Variants in EIF2S3 observed in about 807,000 individuals in gnomAD.
EIF2S3 encodes eukaryotic translation initiation factor 2 subunit 3.
In EIF2S3, 2 loss-of-function variants were observed where a neutral mutation model predicts 31.7. The observed-to-expected ratio is 0.06, with a 90% CI of 0.03 to 0.20. The LOEUF (loss-of-function observed/expected upper bound fraction) is 0.20, where lower values mean the gene tolerates loss of function less well. Among genes scored for constraint, EIF2S3 ranks in the 10% least tolerant of loss-of-function variants. The pLI is 1.00. For missense variants in EIF2S3, 96 were observed against 359.3 expected (o/e 0.27, Z 5.92); for synonymous variants, 120 against 126.7 (o/e 0.95, Z 0.36).
At chrX:24,072,779 T>C (rs1930692521) in intron 10 of EIF2S3, among the ~76,000 whole-genome samples, 1 of 111,639 alleles carries the variant, frequency 9.0e-6, no homozygotes, top group Admixed American at 9.6e-5. Flanking sequence ...TTAACTCTTA[T>C]ATAGCCATAG....
intron 8 of EIF2S3, 32 bp downstream of exon 8, chrX:24,066,124 G>T (rs867919069): frequency 5.6e-5 from 45 of 802,111 alleles, no homozygotes; most frequent in South Asian, 1.8e-4. Context: ...GTGATTTTGG[G>T]TTTTTTTTTT....
At chrX:24,056,856 C>G (rs894715189) in intron 2 of EIF2S3, among the ~76,000 whole-genome samples, 3 of 111,531 alleles carry the variant, frequency 2.7e-5, no homozygotes, top group Non-Finnish European at 5.6e-5. Context: ...GAGACCCTGT[C>G]TGTCCCAGAG....
chrX:24,068,095 A>C lies in EIF2S3; in HGVS notation c.999A>C (p.Pro333=). Residue 333 remains proline (P), a synonymous_variant, in exon 9 of 12, where the codon CCA becomes CCC. Coordinates refer to ENST00000253039, the MANE Select transcript of EIF2S3 (RefSeq NM_001415.4). ...ATAATGATCTGCAATATGCTGCTCC[A>C]GGCGGTCTTATTGGTAAGGATTTTT... The part of the protein sequence containing the change: ...AEHNDLQYAA[P]GGLIGVGTKI... The C allele has an allele frequency of 8.4e-7, 1 of 1,183,814 alleles. No homozygotes were observed. Among genetic ancestry groups the C allele is most frequent in the Non-Finnish European group, 1.1e-6 (1 of 878,231 alleles).
chrX:24,071,764 G>C lies in EIF2S3; in HGVS notation c.1182+37G>C, dbSNP rs772400697. 9 of 1,169,123 alleles carry C rather than the reference G, an allele frequency of 7.7e-6. No individual in the cohort carries two copies. In the South Asian group the frequency reaches 1.3e-4, roughly 17 times the overall value. On this transcript the variant is annotated intron_variant, in intron 10 of 11. Coordinates refer to ENST00000253039, the MANE Select transcript of EIF2S3 (RefSeq NM_001415.4). The stretch of plus-strand genomic sequence containing the variant: ...TTTAAAAATTCCTGTTTCTAAAAAA[G>C]TGACAAATGGGAGTGTTAAACCAGT...
At position 24,077,888 on chromosome X, in the gene EIF2S3, A is replaced by G. The variant is rs1388950085; in HGVS notation, c.*1103A>G. 1 of 112,013 alleles carries G rather than the reference A, an allele frequency of 8.9e-6. No homozygotes were observed. Among genetic ancestry groups the G allele is most frequent in the African/African-American group, 3.2e-5 (1 of 30,901 alleles). The allele number at this position is 112,013 out of a possible 1,213,427, so 9.2% of individuals were successfully genotyped here. A position where few individuals can be genotyped will look rare whatever the true frequency, so the allele number is the denominator to read the frequency against. On this transcript the variant is annotated 3_prime_UTR_variant, in exon 12 of 12. Coordinates refer to ENST00000253039, the MANE Select transcript of EIF2S3 (RefSeq NM_001415.4). ...CATTTTATGTTTTTTCTTAACTGTTATATTATGATTGTGACATAGATTATA... is the reference window on the plus strand; with the variant it reads ...CATTTTATGTTTTTTCTTAACTGTTGTATTATGATTGTGACATAGATTATA...
intron 4 of EIF2S3, among the ~76,000 whole-genome samples, chrX:24,058,855 C>T (rs1324916319): frequency 9.0e-6 from 1 of 111,153 alleles, no homozygotes; most frequent in East Asian, 2.8e-4. Flanking sequence ...TCCCAAAGTG[C>T]TGGGATTACA....
At chrX:24,065,286 C>G (rs1366667089) in intron 7 of EIF2S3, among the ~76,000 whole-genome samples, 1 of 111,460 alleles carries the variant, frequency 9.0e-6, no homozygotes, top group African/African-American at 3.3e-5. Flanking sequence ...TCCATTATTC[C>G]CACACTTTTC....
intron 5 of EIF2S3, among the ~76,000 whole-genome samples, chrX:24,060,948 C>CAAA (rs35873085): frequency 0.016 from 381 of 23,701 alleles, 15 homozygotes; most frequent in African/African-American, 0.033. Context: ...AACTACATCT[C>CAAA]AAAAAAAAAA....
rs757010577 is a variant in EIF2S3, at chrX:24,066,106, T to A, written c.867+14T>A. On this transcript the variant is annotated intron_variant, in intron 8 of 11. Coordinates refer to ENST00000253039, the MANE Select transcript of EIF2S3 (RefSeq NM_001415.4). ...GGAGTATTAAAGGTAAAATGGGTTT[T>A]GGTTGTTGTGATTTTGGGTTTTTTT... The A allele has an allele frequency of 9.2e-7, 1 of 1,083,579 alleles. No homozygotes were observed. The highest frequency in any genetic ancestry group is 2.3e-5 in the South Asian group (1 of 43,187). 89.3% of individuals were successfully genotyped at this position (1,083,579 alleles called of 1,213,427 possible).
chrX:24,068,921 A>G (rs1489829439), intron 9 of EIF2S3, among the ~76,000 whole-genome samples: 1 of 111,899 alleles, frequency 8.9e-6, no homozygotes, highest in Non-Finnish European at 1.9e-5. Flanking sequence ...GTATTACTCA[A>G]TACCCAGAAA....
chrX:24,066,123 G>GT (rs746382989), intron 8 of EIF2S3, 31 bp downstream of exon 8: 24 of 945,694 alleles, frequency 2.5e-5, no homozygotes, highest in African/African-American at 7.7e-5. Flanking sequence ...TGTGATTTTG[G>GT]GTTTTTTTTT....
rs1338901589 is a variant in EIF2S3 at position 24,075,508 on chromosome X, C to G, written c.1356-1214C>G. Among the ~76,000 whole-genome samples, 4 of 111,773 alleles carry G rather than the reference C, an allele frequency of 3.6e-5. No homozygotes were observed. In the South Asian group the frequency reaches 1.5e-3, roughly 42 times the overall value. On this transcript the variant is annotated intron_variant, in intron 11 of 11. Transcript: ENST00000253039. ...GAAAGACTCCTAGTTTGCCTCTTAACTTGGTCAAAATTAGTCTTCTTAAAA... is the reference window on the plus strand; with the variant it reads ...GAAAGACTCCTAGTTTGCCTCTTAAGTTGGTCAAAATTAGTCTTCTTAAAA...
intron 10 of EIF2S3, 113 bp downstream of exon 10, chrX:24,071,840 G>A: frequency 2.2e-6 from 2 of 889,443 alleles, no homozygotes; most frequent in Non-Finnish European, 3.0e-6. Flanking sequence ...AAAAAGAAAA[G>A]GTAAATAAAT....
intron 9 of EIF2S3, among the ~76,000 whole-genome samples, chrX:24,070,447 T>TG (rs1480385146): frequency 3.7e-5 from 3 of 80,918 alleles, no homozygotes; most frequent in East Asian, 3.8e-4. Context: ...TAGTTTTTTT[T>TG]TTTTTTTTTT....
intron 9 of EIF2S3, among the ~76,000 whole-genome samples, chrX:24,070,536 G>T (rs774604543): frequency 2.1e-5 from 2 of 97,396 alleles, no homozygotes; most frequent in African/African-American, 7.9e-5. Context: ...TGCCTCCCAG[G>T]TTCAAGTGAT....
intron 8 of EIF2S3, among the ~76,000 whole-genome samples, chrX:24,066,817 A>G (rs932497032): frequency 1.8e-5 from 2 of 112,148 alleles, no homozygotes; most frequent in Non-Finnish European, 3.8e-5. Flanking sequence ...CCCGGCCTAT[A>G]TACTGCATTT....
At chrX:24,055,570 C>T in intron 1 of EIF2S3, 45 bp from the exon 2 acceptor site, 1 of 1,171,813 alleles carries the variant, frequency 8.5e-7, no homozygotes, top group South Asian at 1.8e-5. Flanking sequence ...AGGAAAAGTT[C>T]TCATTTGTTT....
At chrX:24,061,256 TAA>T (rs745398921) in intron 5 of EIF2S3, among the ~76,000 whole-genome samples, 121 of 41,699 alleles carry the variant, frequency 2.9e-3, no homozygotes, top group African/African-American at 9.2e-3. Context: ...GACTCAGTCT[TAA>T]AAAAAAAAAA....
intron 1 of EIF2S3, among the ~76,000 whole-genome samples, 197 bp from the exon 2 acceptor site, chrX:24,055,418 T>A (rs908248061): frequency 3.6e-5 from 4 of 111,198 alleles, no homozygotes; most frequent in Non-Finnish European, 7.5e-5. Flanking sequence ...AGTGGAGGTG[T>A]AGTCTGTTGT....
Sources: gnomAD v4.1 joint callset for allele counts (sites outside exome capture counted in the v4.1 genomes callset) on GRCh38, gnomAD v4.1.1 for gene constraint, MANE v1.5 for transcripts, NCBI Gene and HGNC (gene_info 2026-07-23, HGNC 2026-07-21) for gene names.